Variants in OPRM1 observed in about 807,000 individuals in gnomAD.
The protein encoded by OPRM1 is opioid receptor mu 1.
Under a neutral mutation model 31.8 loss-of-function variants are expected in OPRM1, and 27 were observed. The observed-to-expected ratio is 0.85, with a 90% confidence interval of 0.63 to 1.17. The LOEUF (loss-of-function observed/expected upper bound fraction) is 1.17, where lower values mean the gene tolerates loss of function less well. Ranked by LOEUF, OPRM1 falls within the 50% of genes most tolerant of loss-of-function variation. The pLI, the probability that OPRM1 is intolerant of heterozygous loss-of-function variation, is 0.00. For synonymous variants in OPRM1, 196 were observed against 189.9 expected, an observed-to-expected ratio of 1.03 and a Z score of -0.26; for missense variants, 536 against 511.1, an observed-to-expected ratio of 1.05 and a Z score of -0.47.
rs1801935295 is a variant in OPRM1, at chr6:154,192,024, T to TTTATTGTTGTATAGTAAAACAAC, written c.1165-54669_1165-54668insTTATTGTTGTATAGTAAAACAAC. ...CATTTATTGTTGTATAGTAAAACAATGGAGTACTATAAAACAATGAAAATG... is the reference window on the plus strand; with the variant it reads ...CATTTATTGTTGTATAGTAAAACAATTTATTGTTGTATAGTAAAACAACGGAGTACTATAAAACAATGAAAATG... On this transcript the variant is annotated intron_variant, in intron 3 of 3. Transcript: ENST00000337049. Among the ~76,000 whole-genome samples the TTTATTGTTGTATAGTAAAACAAC allele has an allele frequency of 3.9e-5, 6 of 152,124 alleles. No individual in the cohort carries two copies. The Middle Eastern group carries it at 0.014, about 345-fold the overall frequency.
At chr6:154,152,332 A>AAAAGG (rs1296412626) in intron 3 of OPRM1, among the ~76,000 whole-genome samples, 5 of 18,378 alleles carry the variant, frequency 2.7e-4, no homozygotes, top group Admixed American at 1.0e-3. Context: ...AGAAAGAAAG[A>AAAAGG]AAGAAAGAAA....
At chr6:154,187,408 T>C (rs943204428) in intron 3 of OPRM1, among the ~76,000 whole-genome samples, 9 of 152,196 alleles carry the variant, frequency 5.9e-5, no homozygotes, top group Admixed American at 5.2e-4. Flanking sequence ...ATTTTGGCTT[T>C]CGTTTGCTTT....
chr6:154,183,222 G>A lies in OPRM1; in HGVS notation c.1165-63471G>A, dbSNP rs1331799622. 4.6e-5 allele frequency among the ~76,000 whole-genome samples: 7 copies of A among 152,076 alleles called. 1 individual carries two copies. Among genetic ancestry groups the A allele is most frequent in the South Asian group, 4.2e-4 (2 of 4,816 alleles). ...TCTCGATCTCCTGACCTCGTGATCT[G>A]CCCATCTTGGCCTCCCAAAGTGCTG... On this transcript the variant is annotated intron_variant, in intron 3 of 3. Transcript: ENST00000337049.
At chr6:154,115,787 G>A (rs1796809906) in intron 3 of OPRM1, among the ~76,000 whole-genome samples, 1 of 152,200 alleles carries the variant, frequency 6.6e-6, no homozygotes. Context: ...TCTCCACAAA[G>A]GAATCTGTTT....
intron 1 of OPRM1, among the ~76,000 whole-genome samples, chr6:154,082,570 C>T (rs907823008): frequency 5.3e-5 from 8 of 152,004 alleles, no homozygotes; most frequent in South Asian, 2.1e-4. Context: ...TTGTTCCTTC[C>T]GTATTAAAGA....
At chr6:154,189,696 C>T (rs149447321) in intron 3 of OPRM1, among the ~76,000 whole-genome samples, 7 of 152,088 alleles carry the variant, frequency 4.6e-5, no homozygotes, top group Admixed American at 2.6e-4. Flanking sequence ...GGGCCAGGCG[C>T]GGTGGCTGAT....
intron 3 of OPRM1, among the ~76,000 whole-genome samples, chr6:154,196,990 T>C (rs908754207): frequency 3.3e-5 from 5 of 152,210 alleles, no homozygotes; most frequent in East Asian, 1.9e-4. Context: ...GACTGTAATA[T>C]GTACTGTCTG....
chr6:154,032,460 G>A (rs1779065730), intron 1 of OPRM1, among the ~76,000 whole-genome samples: 2 of 152,238 alleles, frequency 1.3e-5, no homozygotes, highest in African/African-American at 4.8e-5. Context: ...TTTAGAGACA[G>A]GATCTCTCTC....
At chr6:154,026,588 G>A (rs1226744017) in intron 1 of OPRM1, among the ~76,000 whole-genome samples, 1 of 151,958 alleles carries the variant, frequency 6.6e-6, no homozygotes, top group African/African-American at 2.4e-5. Context: ...GCCCATTTGA[G>A]GGCTGTTTGC....
intron 3 of OPRM1, among the ~76,000 whole-genome samples, chr6:154,096,327 T>TCCCAAA (rs1793378064): frequency 6.6e-6 from 1 of 152,208 alleles, no homozygotes; most frequent in Admixed American, 6.5e-5. Context: ...CCCAAAGTGC[T>TCCCAAA]GAGATTCCAG....
At chr6:154,030,539 A>T (rs1778948674) in intron 1 of OPRM1, among the ~76,000 whole-genome samples, 1 of 152,236 alleles carries the variant, frequency 6.6e-6, no homozygotes, top group South Asian at 2.1e-4. Context: ...AAGCTAAAAA[A>T]AAACAGAGTA....
At chr6:154,062,742 A>T (rs745802658) in intron 1 of OPRM1, among the ~76,000 whole-genome samples, 3 of 152,080 alleles carry the variant, frequency 2.0e-5, no homozygotes, top group Non-Finnish European at 4.4e-5. Context: ...TTTTTCCATC[A>T]ATTGGTCCTA....
intron 1 of OPRM1, among the ~76,000 whole-genome samples, chr6:154,016,552 C>A (rs1055152199): frequency 1.3e-5 from 2 of 152,106 alleles, no homozygotes; most frequent in African/African-American, 4.8e-5. Context: ...AGCTAAACTT[C>A]TTTAGAATGT....
rs112251494 is a variant in OPRM1 at position 154,126,676 on chromosome 6, G to A, written c.*7955G>A. Among the ~76,000 whole-genome samples the A allele has an allele frequency of 4.1e-4, 63 of 152,176 alleles. No individual in the cohort carries two copies. Among genetic ancestry groups the A allele is most frequent in the African/African-American group, 1.5e-3 (62 of 41,508 alleles). On this transcript the variant is annotated 3_prime_UTR_variant, in exon 4 of 4. Transcript: ENST00000330432. ...TCTTTTCATCTGCAGGGTAGATTTGGCTTCCATGGTTGTTCACTGCTCTGT... is the reference window on the plus strand; with the variant it reads ...TCTTTTCATCTGCAGGGTAGATTTGACTTCCATGGTTGTTCACTGCTCTGT...
chr6:154,010,850 C>T (rs1777686717), exon 1 of OPRM1: 1 of 1,352,692 alleles, frequency 7.4e-7, no homozygotes, highest in Admixed American at 2.7e-5. Context: ...ATTGCAGCCC[C>T]TTGTTCTTGT....
Position 154,091,401 on chromosome 6 carries a change from T to A in OPRM1, c.1093T>A (p.Ser365Thr). 6.2e-7 allele frequency: 1 copy of A among 1,614,014 alleles called. No homozygotes were observed. The highest frequency in any genetic ancestry group is 1.7e-5 in the Admixed American group (1 of 60,006). Residue 365 changes from serine to threonine, a missense_variant, in exon 3 of 4, where the codon TCC (serine) becomes ACC (threonine). By Grantham distance (58) the Ser-to-Thr change is moderately conservative. Transcript: ENST00000330432. The part of the protein sequence containing the change: ...PTSSNIEQQN[S>T]TRIRQNTRDH... ...CTCTTCCAACATTGAGCAACAAAACTCCACTCGAATTCGTCAGAACACTAG... is the reference window on the plus strand; with the variant it reads ...CTCTTCCAACATTGAGCAACAAAACACCACTCGAATTCGTCAGAACACTAG...
intron 3 of OPRM1, among the ~76,000 whole-genome samples, chr6:154,141,217 T>C (rs1415248590): frequency 6.6e-6 from 1 of 152,188 alleles, no homozygotes; most frequent in Non-Finnish European, 1.5e-5. Flanking sequence ...TCCCTGATGC[T>C]CAGTACATGG....
At position 154,129,050 on chromosome 6, in the gene OPRM1, C is replaced by T. The variant is rs145973262; in HGVS notation, c.*10329C>T. ...GCCACAGACAAAACCTCTCAGACAC[C>T]GAGTTGTAGAAGGAAGGGCTTTATT... On this transcript the variant is annotated 3_prime_UTR_variant, in exon 4 of 4. Coordinates refer to ENST00000330432, the MANE Select transcript of OPRM1 (RefSeq NM_000914.5). Among the ~76,000 whole-genome samples the T allele has an allele frequency of 1.4e-3, 217 of 152,138 alleles. 1 individual carries two copies. The highest frequency in any genetic ancestry group is 5.0e-3 in the African/African-American group (207 of 41,494).
intron 1 of OPRM1, chr6:154,046,891 G>C (rs1038260429): frequency 6.6e-6 from 1 of 152,164 alleles, no homozygotes; most frequent in Admixed American, 6.5e-5. Context: ...TGACTATTAA[G>C]AGCATGTTTT....
Sources: gnomAD v4.1 joint callset for allele counts (sites outside exome capture counted in the v4.1 genomes callset) on GRCh38, gnomAD v4.1.1 for gene constraint, MANE v1.5 for transcripts, NCBI Gene and HGNC (gene_info 2026-07-23, HGNC 2026-07-21) for gene names.